The following KDM7A variants were observed in gnomAD, a reference collection of about 807,000 sequenced individuals.
The protein encoded by KDM7A is lysine-specific demethylase 7A.
A neutral mutation model predicts 114.8 loss-of-function variants in KDM7A; 28 were observed. The ratio of observed to expected loss-of-function variants is 0.24; its 90% confidence interval spans 0.18 to 0.33. The LOEUF (loss-of-function observed/expected upper bound fraction) is 0.33, where lower values mean the gene tolerates loss of function less well. Among genes scored for constraint, KDM7A ranks in the 10% least tolerant of loss-of-function variants. The pLI is 1.00. For synonymous variants in KDM7A, 423 were observed against 397.8 expected (o/e 1.06, Z -0.75); for missense variants, 942 against 1,142.5 (o/e 0.82, Z 2.53).
At chr7:140,136,627 T>C (rs1818875101) in intron 2 of KDM7A, among the ~76,000 whole-genome samples, 1 of 152,148 alleles carries the variant, frequency 6.6e-6, no homozygotes, top group Admixed American at 6.5e-5. Flanking sequence ...AAATTCACCA[T>C]ATGAAGTAGT....
chr7:140,114,888 C>T (rs1291719577), intron 9 of KDM7A, among the ~76,000 whole-genome samples: 11 of 110,328 alleles, frequency 1.0e-4, no homozygotes, highest in African/African-American at 1.4e-4. Flanking sequence ...GGAGCCCCTC[C>T]GCCCGGAAGC....
intron 1 of KDM7A, among the ~76,000 whole-genome samples, chr7:140,155,953 T>C (rs951684333): frequency 6.6e-6 from 1 of 152,258 alleles, no homozygotes; most frequent in African/African-American, 2.4e-5. Flanking sequence ...CTTATGTATG[T>C]AGACCATATC....
intron 3 of KDM7A, 27 bp from the exon 4 acceptor site, chr7:140,129,680 G>C (rs750574642): frequency 3.9e-6 from 6 of 1,522,688 alleles, no homozygotes; most frequent in African/African-American, 2.8e-5. Flanking sequence ...GAATAAAAAT[G>C]TCATTTTTAT....
intron 9 of KDM7A, among the ~76,000 whole-genome samples, chr7:140,117,007 C>A (rs551496100): frequency 2.6e-5 from 4 of 152,130 alleles, no homozygotes; most frequent in African/African-American, 4.8e-5. Context: ...AAAAAGGTTA[C>A]GGATAAAAGA....
At chr7:140,156,840 C>T (rs552142458) in intron 1 of KDM7A, among the ~76,000 whole-genome samples, 1 of 152,214 alleles carries the variant, frequency 6.6e-6, no homozygotes, top group South Asian at 2.1e-4. Context: ...CCAGGGGATC[C>T]GGGTGGGGCT....
chr7:140,150,116 T>G (rs1294888622), intron 1 of KDM7A, among the ~76,000 whole-genome samples: 1 of 152,190 alleles, frequency 6.6e-6, no homozygotes, highest in Non-Finnish European at 1.5e-5. Context: ...GAAACAGCAC[T>G]AAGCACCTTG....
At chr7:140,145,916 G>A (rs571651618) in intron 1 of KDM7A, among the ~76,000 whole-genome samples, 1 of 152,322 alleles carries the variant, frequency 6.6e-6, no homozygotes, top group Non-Finnish European at 1.5e-5. Context: ...GGGAAAAAAG[G>A]GGAGAAAGGG....
chr7:140,095,871 A>G (rs1371353810), intron 17 of KDM7A, among the ~76,000 whole-genome samples: 1 of 152,130 alleles, frequency 6.6e-6, no homozygotes, highest in Non-Finnish European at 1.5e-5. Context: ...AGAGTGAGAC[A>G]GTCTCAAAAT....
intron 6 of KDM7A, among the ~76,000 whole-genome samples, chr7:140,125,323 G>GTA (rs568789197): frequency 3.9e-4 from 59 of 152,276 alleles, no homozygotes; most frequent in Admixed American, 2.9e-3. Flanking sequence ...TTCTACATCA[G>GTA]TACTCTCCAA....
At chr7:140,142,795 T>A (rs376324079) in intron 1 of KDM7A, among the ~76,000 whole-genome samples, 20 of 152,228 alleles carry the variant, frequency 1.3e-4, no homozygotes, top group African/African-American at 4.6e-4. Flanking sequence ...TGCACCAGGA[T>A]ACCTACCTAT....
chr7:140,108,719 G>C (rs1328993890), intron 11 of KDM7A, among the ~76,000 whole-genome samples: 1 of 152,232 alleles, frequency 6.6e-6, no homozygotes, highest in African/African-American at 2.4e-5. Flanking sequence ...CCAGGGGTCA[G>C]GGACCCACTT....
chr7:140,135,026 G>C (rs1259494950), intron 2 of KDM7A, among the ~76,000 whole-genome samples: 2 of 126,942 alleles, frequency 1.6e-5, no homozygotes, highest in African/African-American at 6.7e-5. Flanking sequence ...ATGGAAGAGC[G>C]TAAGTCCCAT....
intron 11 of KDM7A, 113 bp downstream of exon 11, chr7:140,110,982 T>G: frequency 1.8e-6 from 1 of 566,790 alleles, no homozygotes; most frequent in South Asian, 3.4e-5. Context: ...CAGCTCATTA[T>G]ATTTCTTCTA....
At chr7:140,140,920 G>C (rs981419639) in intron 1 of KDM7A, among the ~76,000 whole-genome samples, 2 of 151,920 alleles carry the variant, frequency 1.3e-5, no homozygotes, top group African/African-American at 4.8e-5. Flanking sequence ...TACACATCCA[G>C]AAAATGCAAA....
At chr7:140,138,579 G>C (rs1818905615) in intron 2 of KDM7A, among the ~76,000 whole-genome samples, 1 of 152,104 alleles carries the variant, frequency 6.6e-6, no homozygotes, top group African/African-American at 2.4e-5. Flanking sequence ...TCAGATCTCA[G>C]GAAGGGGTTT....
At chr7:140,098,004 A>C (rs1818143103) in intron 14 of KDM7A, among the ~76,000 whole-genome samples, 1 of 152,234 alleles carries the variant, frequency 6.6e-6, no homozygotes, top group Non-Finnish European at 1.5e-5. Context: ...ATCATTAGAA[A>C]ACAAAAAGAT....
At chr7:140,099,737 A>T (rs1818172016) in intron 13 of KDM7A, among the ~76,000 whole-genome samples, 162 bp downstream of exon 13, 1 of 152,196 alleles carries the variant, frequency 6.6e-6, no homozygotes, top group African/African-American at 2.4e-5. Flanking sequence ...TGATGATATG[A>T]GGTGCAACAG....
intron 9 of KDM7A, among the ~76,000 whole-genome samples, chr7:140,115,264 C>CT (rs1238782896): frequency 2.0e-5 from 3 of 152,216 alleles, no homozygotes; most frequent in African/African-American, 7.2e-5. Flanking sequence ...AGGAGCCCCT[C>CT]TGCCCAGCCG....
chr7:140,108,552 A>T (rs1166141769), intron 11 of KDM7A, among the ~76,000 whole-genome samples: 1 of 152,148 alleles, frequency 6.6e-6, no homozygotes, highest in Non-Finnish European at 1.5e-5. Context: ...TCCACTCCAG[A>T]CCGTTTGCCT....
Sources: gnomAD v4.1 joint callset for allele counts (sites outside exome capture counted in the v4.1 genomes callset) on GRCh38, gnomAD v4.1.1 for gene constraint, MANE v1.5 for transcripts, NCBI Gene and HGNC (gene_info 2026-07-23, HGNC 2026-07-21) for gene names.